INTS6L: variants seen among roughly 807,000 people sequenced by gnomAD.
INTS6L encodes integrator complex subunit 6-like.
INTS6L carries 18 observed loss-of-function variants against 64.7 expected under a neutral mutation model. That is an observed-to-expected ratio of 0.28 (90% confidence interval 0.19 to 0.41). The LOEUF is 0.41. INTS6L is among the 10% of genes least tolerant of loss of function. The probability of loss-of-function intolerance (pLI) is 1.00; values close to 1 mark genes in which losing one functional copy is unlikely to be tolerated. For synonymous variants in INTS6L, 227 were observed against 235.9 expected (o/e 0.96, Z 0.34); for missense variants, 533 against 661.0 (o/e 0.81, Z 2.12).
In INTS6L at chrX:135,549,684, C is replaced by T. The variant is rs782285063; in HGVS notation, c.785C>T (p.Ala262Val). 2.9e-5 allele frequency: 35 copies of T among 1,210,317 alleles called. 1 individual carries two copies. The highest frequency in any genetic ancestry group is 1.6e-5 in the Non-Finnish European group (14 of 895,110). ...DSSRPSNSFA[A>V]QPWHSCHKLI... ...TCCAGGCCAAGCAATTCATTTGCTG[C>T]TCAGCCATGGCATAGTTGTCATAAA... Residue 262 changes from alanine to valine, a missense_variant, in exon 7 of 18, where the codon GCT becomes GTT. Transcript: ENST00000639893.
At chrX:135,568,960 C>T (rs925821293) in intron 9 of INTS6L, among the ~76,000 whole-genome samples, 2 of 111,752 alleles carry the variant, frequency 1.8e-5, no homozygotes, top group African/African-American at 6.5e-5. Flanking sequence ...TGGATAACAC[C>T]CTCTATGTTT....
Position 135,537,574 on chromosome X carries a change from C to T in INTS6L, c.190-7849C>T, listed in dbSNP as rs149114951. ...TAAGTGACTTACTCTAGACCACTTG[C>T]CAAGCGAGTTAGTGACAGCTAGGAA... On this transcript the variant is annotated intron_variant, in intron 2 of 17. Coordinates refer to ENST00000639893, the MANE Select transcript of INTS6L (RefSeq NM_001351601.3). 5.4e-4 allele frequency among the ~76,000 whole-genome samples: 60 copies of T among 111,879 alleles called. No individual in the cohort carries two copies. In the East Asian group the frequency reaches 9.5e-3, roughly 18 times the overall value.
At position 135,577,366 on chromosome X, in the gene INTS6L, A is replaced by G. The variant is rs1556531638; in HGVS notation, c.2058A>G (p.Pro686=). 2 of 1,209,966 alleles carry G rather than the reference A, an allele frequency of 1.7e-6. No homozygotes were observed. Among genetic ancestry groups the G allele is most frequent in the African/African-American group, 3.5e-5 (2 of 57,097 alleles). Residue 686 remains proline, a synonymous_variant, in exon 15 of 18, where the codon CCA becomes CCG. Coordinates refer to ENST00000639893, the MANE Select transcript of INTS6L (RefSeq NM_001351601.3). ...CTAACCATGTGGGCGGAAAGGGACC[A>G]CCCTCAGCCTCGTGGTTCCCATCTT... is the stretch of plus-strand genomic sequence containing the variant. ...TVTNHVGGKG[P]PSASWFPSYP...
chrX:135,569,709 C>A, intron 10 of INTS6L: 1 of 154,969 alleles, frequency 6.5e-6, no homozygotes, highest in Non-Finnish European at 1.2e-5. Context: ...ACCTTAATTT[C>A]ATTGGAATTT....
At chrX:135,526,260 TAA>T (rs1262377240) in intron 2 of INTS6L, among the ~76,000 whole-genome samples, 1 of 111,502 alleles carries the variant, frequency 9.0e-6, no homozygotes, top group Non-Finnish European at 1.9e-5. Context: ...TTAAATAAAA[TAA>T]AGTCATTCCC....
At chrX:135,554,550 T>C (rs2086590391) in intron 8 of INTS6L, among the ~76,000 whole-genome samples, 2 of 111,927 alleles carry the variant, frequency 1.8e-5, no homozygotes, top group African/African-American at 6.5e-5. Context: ...GGTAGTGAAT[T>C]GGTAGGTGAT....
chrX:135,528,576 G>A (rs782750230), intron 2 of INTS6L, among the ~76,000 whole-genome samples: 3 of 111,491 alleles, frequency 2.7e-5, no homozygotes, highest in Non-Finnish European at 3.8e-5. Context: ...ACTTAGCCAC[G>A]TATGGTTATT....
At chrX:135,579,756 C>G (rs1241666374) in intron 15 of INTS6L, 32 bp from the exon 16 acceptor site, 1 of 1,152,488 alleles carries the variant, frequency 8.7e-7, no homozygotes, top group Non-Finnish European at 1.2e-6. Flanking sequence ...ATACCCTTAC[C>G]TCACAGCTCA....
In INTS6L at chrX:135,547,284, T is replaced by G; in HGVS notation, c.742+19T>G. On this transcript the variant is annotated intron_variant, in intron 6 of 17. Coordinates refer to ENST00000639893, the MANE Select transcript of INTS6L (RefSeq NM_001351601.3). ...GGAGAAGGTATAGTAGATAACTTTT[T>G]TAACCCTAAAGTGTTATATAGGAGA... 2 of 1,194,409 alleles carry G rather than the reference T, an allele frequency of 1.7e-6. No individual in the cohort carries two copies. The highest frequency in any genetic ancestry group is 3.5e-5 in the African/African-American group (2 of 56,672).
rs377640430 is a variant in INTS6L at position 135,572,863 on chromosome X, C to A, written c.1447C>A (p.Pro483Thr). The A allele has an allele frequency of 8.3e-7, 1 of 1,209,583 alleles. No individual in the cohort carries two copies. Among genetic ancestry groups the A allele is most frequent in the African/African-American group, 1.8e-5 (1 of 57,073 alleles). ...ACTAGCATCAGTGGGGAAGAAACCT[C>A]CCCAGGAAATTGGAATTAAAGTGAA... ...RILASVGKKP[P>T]QEIGIKVKNH... is the part of the protein sequence containing the mutation. Residue 483 changes from proline (P) to threonine (T), a missense_variant, in exon 12 of 18, where the codon CCC (proline) becomes ACC (threonine). Pro to Thr is a conservative substitution (Grantham distance 38, BLOSUM62 -1). Transcript: ENST00000639893.
Position 135,546,366 on chromosome X carries a change from T to A in INTS6L, c.340-14T>A. ...TACTTTACATGGCTCTAATGCTTTTTAAATGTATTTTAGGGGAGAAATCCA... is the reference window on the plus strand; with the variant it reads ...TACTTTACATGGCTCTAATGCTTTTAAAATGTATTTTAGGGGAGAAATCCA... On this transcript the variant is annotated splice_polypyrimidine_tract_variant and intron_variant, in intron 3 of 17. Coordinates refer to ENST00000639893, the MANE Select transcript of INTS6L (RefSeq NM_001351601.3). The A allele has an allele frequency of 9.4e-7, 1 of 1,063,747 alleles. No individual in the cohort carries two copies. Among genetic ancestry groups the A allele is most frequent in the Non-Finnish European group, 1.3e-6 (1 of 796,669 alleles). The allele number at this position is 1,063,747 out of a possible 1,213,427, so 87.7% of individuals were successfully genotyped here.
At chrX:135,555,892 T>C (rs895497708) in intron 8 of INTS6L, among the ~76,000 whole-genome samples, 1 of 111,352 alleles carries the variant, frequency 9.0e-6, no homozygotes, top group African/African-American at 3.3e-5. Flanking sequence ...TCTCCCTTTG[T>C]CTCCCAGGCT....
At chrX:135,562,311 A>G (rs899686711) in intron 9 of INTS6L, among the ~76,000 whole-genome samples, 2 of 111,918 alleles carry the variant, frequency 1.8e-5, no homozygotes, top group Non-Finnish European at 3.8e-5. Flanking sequence ...AAATTTACCT[A>G]TTATCTTTTT....
intron 2 of INTS6L, among the ~76,000 whole-genome samples, chrX:135,529,748 T>G (rs1014245277): frequency 5.3e-5 from 6 of 112,342 alleles, no homozygotes; most frequent in Non-Finnish European, 1.1e-4. Flanking sequence ...TATATTTGCT[T>G]CCTTGTAATA....
rs1051692430 is a variant in INTS6L, at chrX:135,534,110, G to A, written c.190-11313G>A. 2.7e-5 allele frequency among the ~76,000 whole-genome samples: 3 copies of A among 110,527 alleles called. No homozygotes were observed. The South Asian group carries it at 1.1e-3, about 42-fold the overall frequency. On this transcript the variant is annotated intron_variant, in intron 2 of 17. Transcript: ENST00000639893. ...TGTTTTCCAGTAAACTTTGAGAAGTGTGCTGCTTCACAATTTTATCCTAAT... is the reference window on the plus strand; with the variant it reads ...TGTTTTCCAGTAAACTTTGAGAAGTATGCTGCTTCACAATTTTATCCTAAT...
intron 2 of INTS6L, among the ~76,000 whole-genome samples, chrX:135,525,638 A>G: frequency 8.9e-6 from 1 of 112,673 alleles, no homozygotes; most frequent in Non-Finnish European, 1.9e-5. Flanking sequence ...TTTTAAAATG[A>G]TATGTGTTAC....
chrX:135,582,296 T>C lies in INTS6L; in HGVS notation c.*660T>C, dbSNP rs1397070096. Reference sequence around the variant, plus strand: ...CCAACCTCTGACATTTGTTCTTGCATGTGATGATAGAAAGTCTTCAGATGG... The same window carrying C: ...CCAACCTCTGACATTTGTTCTTGCACGTGATGATAGAAAGTCTTCAGATGG... On this transcript the variant is annotated 3_prime_UTR_variant, in exon 18 of 18. Coordinates refer to ENST00000639893, the MANE Select transcript of INTS6L (RefSeq NM_001351601.3). The C allele has an allele frequency of 8.9e-5, 10 of 112,369 alleles. No homozygotes were observed. The highest frequency in any genetic ancestry group is 3.2e-4 in the African/African-American group (10 of 30,818). The allele number at this position is 112,369 out of a possible 1,213,427, so 9.3% of individuals were successfully genotyped here. A position where few individuals can be genotyped will look rare whatever the true frequency, so the allele number is the denominator to read the frequency against.
At position 135,580,154 on chromosome X, in the gene INTS6L, T is replaced by C; in HGVS notation, c.2486T>C (p.Phe829Ser). 1 of 1,176,383 alleles carries C rather than the reference T, an allele frequency of 8.5e-7. No individual in the cohort carries two copies. Residue 829 changes from phenylalanine to serine, a missense_variant, in exon 16 of 18, where the codon TTT becomes TCT. By Grantham distance (155) the Phe-to-Ser change is radical. Coordinates refer to ENST00000639893, the MANE Select transcript of INTS6L (RefSeq NM_001351601.3). ...KHQLMKEVRK[F>S]GRKYERIFIL... ...CAATTAATGAAGGAAGTTCGAAAGT[T>C]TGGTCGAAGTAAGTAGTGAAAGAAC...
intron 2 of INTS6L, among the ~76,000 whole-genome samples, chrX:135,529,742 T>A (rs782447971): frequency 8.9e-6 from 1 of 112,465 alleles, no homozygotes; most frequent in East Asian, 2.8e-4. Context: ...TTGACTTATA[T>A]TTGCTTCCTT....
Sources: allele counts gnomAD v4.1 joint callset (sites outside exome capture counted in the v4.1 genomes callset), GRCh38; gene constraint gnomAD v4.1.1; transcripts MANE v1.5; gene names NCBI Gene and HGNC (gene_info 2026-07-23, HGNC 2026-07-21).